SIPA1L3: variants seen among roughly 807,000 people sequenced by gnomAD.
SIPA1L3 encodes the protein signal induced proliferation associated 1 like 3.
In SIPA1L3, 59 loss-of-function variants were observed where a neutral mutation model predicts 150.1. The ratio of observed to expected loss-of-function variants is 0.39; its 90% CI spans 0.32 to 0.49. The LOEUF (loss-of-function observed/expected upper bound fraction) is 0.49, where lower values mean the gene tolerates loss of function less well. SIPA1L3 is among the 20% of genes least tolerant of loss of function. The pLI is 0.86. For synonymous variants in SIPA1L3, 1,070 were observed against 1,077.6 expected, an observed-to-expected ratio of 0.99 and a Z score of 0.14; for missense variants, 2,211 against 2,489.5, an observed-to-expected ratio of 0.89 and a Z score of 2.38.
rs1970806243 is a variant in SIPA1L3, at chr19:38,113,196, G to A, written c.2291+2812G>A. Among the ~76,000 whole-genome samples, 9 of 150,060 alleles carry A rather than the reference G, an allele frequency of 6.0e-5. No homozygotes were observed. In the South Asian group the frequency reaches 1.9e-3, roughly 32 times the overall value. On this transcript the variant is annotated intron_variant, in intron 8 of 21. Coordinates refer to ENST00000222345, the MANE Select transcript of SIPA1L3 (RefSeq NM_015073.3). ...ACTGCACTCCAGCCTGGGCTACAGA[G>A]CGAGACTCCATCTCAATTAAAGAAA...
At chr19:37,999,671 T>A (rs1967735559) in intron 1 of SIPA1L3, among the ~76,000 whole-genome samples, 1 of 152,208 alleles carries the variant, frequency 6.6e-6, no homozygotes, top group African/African-American at 2.4e-5. Flanking sequence ...GAATGTTTCT[T>A]GGGTAGCCCA....
rs958000849 is a variant in SIPA1L3, at chr19:38,046,069, C to T, written c.-311+16913C>T. Among the ~76,000 whole-genome samples, 1 of 152,148 alleles carries T rather than the reference C, an allele frequency of 6.6e-6. No individual in the cohort carries two copies. The highest frequency in any genetic ancestry group is 2.4e-5 in the African/African-American group (1 of 41,424). On this transcript the variant is annotated intron_variant, in intron 2 of 21. Transcript: ENST00000222345. This position sits in a 1 kb window ranked among gnomAD's most constrained non-coding sequence, Gnocchi z 5.6. ...AGGGTCACGTCAGAGACTCCAGAGC[C>T]GCCTCCACCACTGTGATTCCTTGAA...
chr19:37,998,855 G>GA (rs1336692638), intron 1 of SIPA1L3, among the ~76,000 whole-genome samples: 1 of 152,112 alleles, frequency 6.6e-6, no homozygotes, highest in Non-Finnish European at 1.5e-5. Context: ...ATAAAGAATA[G>GA]ATGAAGCTAA....
chr19:38,139,926 A>G (rs754983119), intron 10 of SIPA1L3, among the ~76,000 whole-genome samples: 18 of 152,160 alleles, frequency 1.2e-4, no homozygotes, highest in Non-Finnish European at 1.8e-4. Context: ...AGCCCTTTCT[A>G]TAGTGGCATT....
chr19:38,137,734 C>T (rs1389178720), intron 10 of SIPA1L3, among the ~76,000 whole-genome samples: 2 of 152,098 alleles, frequency 1.3e-5, no homozygotes, highest in African/African-American at 4.8e-5. Flanking sequence ...AAGTGATCCT[C>T]CCAACTCAGA....
Position 38,093,973 on chromosome 19 carries a change from G to C in SIPA1L3, c.1665+5122G>C, listed in dbSNP as rs558502010. On this transcript the variant is annotated intron_variant, in intron 4 of 21. Transcript: ENST00000222345. ...ACAGAGTGGGGATGGCAACCAGCCA[G>C]GAACTGTGTGGCACCCCCCCACAAG... is the stretch of plus-strand genomic sequence containing the variant. Among the ~76,000 whole-genome samples the C allele has an allele frequency of 3.3e-5, 5 of 152,354 alleles. No individual in the cohort carries two copies. In the East Asian group the frequency reaches 9.6e-4, roughly 29 times the overall value.
chr19:38,141,499 C>T (rs1971582385), intron 11 of SIPA1L3, 64 bp downstream of exon 11: 1 of 1,485,190 alleles, frequency 6.7e-7, no homozygotes, highest in Non-Finnish European at 9.1e-7. Flanking sequence ...ATCCTCCGCC[C>T]CTCCCTCTCC....
intron 1 of SIPA1L3, among the ~76,000 whole-genome samples, chr19:37,985,213 T>C (rs1180145221): frequency 6.6e-6 from 1 of 151,364 alleles, no homozygotes; most frequent in South Asian, 2.1e-4. Context: ...TTTTTTTTTT[T>C]GAGTGTGGGT....
At chr19:38,088,639 G>A (rs1018422586) in intron 3 of SIPA1L3, 82 bp from the exon 4 acceptor site, 15 of 1,528,448 alleles carry the variant, frequency 9.8e-6, no homozygotes, top group South Asian at 3.6e-5. Flanking sequence ...CTGCCTGGTC[G>A]CCCTGTCTGC....
At chr19:38,011,533 A>C (rs1968097852) in intron 1 of SIPA1L3, among the ~76,000 whole-genome samples, 1 of 152,144 alleles carries the variant, frequency 6.6e-6, no homozygotes, top group Admixed American at 6.5e-5. Flanking sequence ...AGTAGATTGA[A>C]GTAGGGGCCC....
At position 38,162,283 on chromosome 19, in the gene SIPA1L3, G is replaced by C. The variant is rs956923017; in HGVS notation, c.3692G>C (p.Arg1231Thr). The C allele has an allele frequency of 4.3e-6, 7 of 1,614,142 alleles. No individual in the cohort carries two copies. Among genetic ancestry groups the C allele is most frequent in the African/African-American group, 4.0e-5 (3 of 74,944 alleles). ...TTGTGGCATGTGCCTGCCCAGGCCA[G>C]GCTCTCAGCCATAGCCGGAAGCAGC... ...EPLWHVPAQA[R>T]LSAIAGSSGN... Residue 1231 changes from arginine (R) to threonine (T), a missense_variant, in exon 14 of 22, where the codon AGG becomes ACG. Arg to Thr is a moderately conservative substitution (Grantham distance 71). This residue lies in a region of SIPA1L3 where 806 missense variants were observed against 870.1 expected (regional missense o/e 0.93). Transcript: ENST00000222345.
At chr19:37,919,200 G>A (rs2046437856) in intron 1 of SIPA1L3, among the ~76,000 whole-genome samples, 1 of 152,146 alleles carries the variant, frequency 6.6e-6, no homozygotes, top group Non-Finnish European at 1.5e-5. Context: ...AACAGGGCAG[G>A]TGCTGGAGAT....
rs1320655542 is a variant in SIPA1L3, at chr19:37,973,227, A to G, written c.-378-55862A>G. The stretch of plus-strand genomic sequence containing the variant: ...TTGGGGACCATGGTGTATGAAAAAA[A>G]AGCGCATCTTTTTTTTTTTTTTTTT... On this transcript the variant is annotated intron_variant, in intron 1 of 21. Transcript: ENST00000222345. 6.8e-5 allele frequency among the ~76,000 whole-genome samples: 10 copies of G among 147,394 alleles called. No homozygotes were observed. In the South Asian group the frequency reaches 2.2e-3, roughly 32 times the overall value.
intron 16 of SIPA1L3, among the ~76,000 whole-genome samples, chr19:38,189,186 G>A (rs1398844927): frequency 6.7e-6 from 1 of 149,760 alleles, no homozygotes; most frequent in African/African-American, 2.5e-5. Context: ...CCAGGCTGGA[G>A]TGCAGTGGTG....
chr19:38,088,382 A>C (rs1332178810), intron 3 of SIPA1L3, among the ~76,000 whole-genome samples: 4 of 152,272 alleles, frequency 2.6e-5, no homozygotes, highest in African/African-American at 7.2e-5. Flanking sequence ...GGTTGATGGC[A>C]TGCCATGCAC....
chr19:38,063,308 C>T (rs1969496197), intron 2 of SIPA1L3, among the ~76,000 whole-genome samples: 1 of 151,988 alleles, frequency 6.6e-6, no homozygotes, highest in Non-Finnish European at 1.5e-5. Context: ...CTTCCCACGG[C>T]AGGGAGCCTT....
intron 15 of SIPA1L3, among the ~76,000 whole-genome samples, chr19:38,179,364 C>A (rs1433192621): frequency 6.6e-6 from 1 of 152,188 alleles, no homozygotes. Context: ...ATCGCTTGAG[C>A]CAGGGAGGCG....
chr19:38,159,910 G>A (rs57711384), intron 13 of SIPA1L3, among the ~76,000 whole-genome samples: 1 of 152,346 alleles, frequency 6.6e-6, no homozygotes, highest in East Asian at 1.9e-4. Context: ...TAAATCACCG[G>A]CGTTCAGCTC....
At chr19:38,199,325 C>A (rs1487148925) in intron 19 of SIPA1L3, among the ~76,000 whole-genome samples, 2 of 152,208 alleles carry the variant, frequency 1.3e-5, no homozygotes, top group Admixed American at 1.3e-4. Flanking sequence ...GACCCAGATG[C>A]CATCAGCGGT....
Sources: allele counts gnomAD v4.1 joint callset (sites outside exome capture counted in the v4.1 genomes callset), GRCh38; gene constraint gnomAD v4.1.1; regional missense constraint gnomAD v4.1.1; non-coding constraint Gnocchi (gnomAD v3.1); transcripts MANE v1.5; gene names NCBI Gene and HGNC (gene_info 2026-07-23, HGNC 2026-07-21).